EDARADD: variants seen among roughly 807,000 people sequenced by gnomAD.
The protein encoded by EDARADD is ectodysplasin-A receptor-associated adapter protein.
Under a neutral mutation model 25.6 loss-of-function variants are expected in EDARADD, and 20 were observed. The ratio of observed to expected loss-of-function variants is 0.78; its 90% CI spans 0.55 to 1.14. The LOEUF (loss-of-function observed/expected upper bound fraction) is 1.14. Among genes scored for constraint, EDARADD ranks in the 50% most tolerant of loss-of-function variants. The probability of loss-of-function intolerance (pLI) is 0.00; values close to 1 mark genes in which losing one functional copy is unlikely to be tolerated. For missense variants in EDARADD, 225 were observed against 270.1 expected (o/e 0.83, Z 1.17); for synonymous variants, 86 against 94.4 (o/e 0.91, Z 0.52).
At chr1:236,365,977 T>C (rs1302874292) in intron 3 of EDARADD, among the ~76,000 whole-genome samples, 1 of 152,246 alleles carries the variant, frequency 6.6e-6, no homozygotes, top group Non-Finnish European at 1.5e-5. Flanking sequence ...ATTTTAAAAA[T>C]ACATCCCATA....
chr1:236,484,461 G>T lies in EDARADD; in HGVS notation c.*1812G>T. On this transcript the variant is annotated 3_prime_UTR_variant, in exon 6 of 6. Coordinates refer to ENST00000334232, the MANE Select transcript of EDARADD (RefSeq NM_145861.4). This position sits in a 1 kb window ranked among gnomAD's most constrained non-coding sequence, Gnocchi z 4.1. ...CGGCAGGAACTTCAGAAACCCCCCA[G>T]CCAAGTAAGCTGTGGGCAGGCAAGC... 1.4e-5 allele frequency: 22 copies of T among 1,608,470 alleles called. No individual in the cohort carries two copies. Among genetic ancestry groups the T allele is most frequent in the Non-Finnish European group, 1.9e-5 (22 of 1,177,478 alleles).
At chr1:236,435,256 A>G (rs1356003165) in intron 4 of EDARADD, among the ~76,000 whole-genome samples, 3 of 152,248 alleles carry the variant, frequency 2.0e-5, no homozygotes, top group African/African-American at 7.2e-5. Context: ...CTAGAGGAAT[A>G]GCCAGAGAAG....
intron 3 of EDARADD, among the ~76,000 whole-genome samples, chr1:236,373,993 G>C (rs1667198303): frequency 6.6e-6 from 1 of 151,900 alleles, no homozygotes; most frequent in South Asian, 2.1e-4. Flanking sequence ...TTTTATTATT[G>C]GTTTCTAGTT....
intron 4 of EDARADD, among the ~76,000 whole-genome samples, chr1:236,463,760 A>G (rs1659104685): frequency 1.3e-5 from 2 of 152,202 alleles, no homozygotes; most frequent in East Asian, 3.8e-4. Context: ...AGGCCCTGAC[A>G]TGGAGGCTGG....
intron 3 of EDARADD, among the ~76,000 whole-genome samples, chr1:236,353,317 C>T (rs1666938639): frequency 6.6e-6 from 1 of 152,156 alleles, no homozygotes; most frequent in Non-Finnish European, 1.5e-5. Flanking sequence ...GTCGTTCTAG[C>T]TCTGAGTTTG....
At chr1:236,388,751 T>C (rs951410763) in intron 3 of EDARADD, among the ~76,000 whole-genome samples, 2 of 152,246 alleles carry the variant, frequency 1.3e-5, no homozygotes, top group South Asian at 2.1e-4. Flanking sequence ...TTAGTTCTAA[T>C]AGTTTCTCAG....
intron 4 of EDARADD, among the ~76,000 whole-genome samples, chr1:236,464,255 T>TA: frequency 6.7e-6 from 1 of 149,504 alleles, no homozygotes; most frequent in East Asian, 2.0e-4. Flanking sequence ...CAAGTATTAT[T>TA]TTTTTTTTTT....
chr1:236,394,487 G>C lies in EDARADD; in HGVS notation c.43G>C (p.Ala15Pro), dbSNP rs148192841. 2 of 1,613,988 alleles carry C rather than the reference G, an allele frequency of 1.2e-6. No homozygotes were observed. The highest frequency in any genetic ancestry group is 1.3e-5 in the African/African-American group (1 of 74,918). Reference protein sequence around the residue: ...TTKQMGRGTKAPGHQEDHMVK... With the variant: ...TTKQMGRGTKPPGHQEDHMVK... ...TAAACAGATGGGGAGAGGCACTAAA[G>C]CTCCTGGTCACCAAGAGGGTATGTA... The change falls in exon 1 of 6, where the codon GCT (alanine) becomes CCT (proline). Residue 15 changes from alanine to proline, a missense_variant. By Grantham distance (27) the Ala-to-Pro change is conservative (BLOSUM62 -1). Coordinates refer to ENST00000334232, the MANE Select transcript of EDARADD (RefSeq NM_145861.4).
intron 3 of EDARADD, among the ~76,000 whole-genome samples, chr1:236,361,711 C>T (rs6670861): frequency 0.15 from 21,510 of 146,304 alleles, 2,075 homozygotes; most frequent in East Asian, 0.43. Flanking sequence ...TAATTATTTT[C>T]GGATTCATCT....
chr1:236,382,481 A>G (rs1667312603), intron 3 of EDARADD, among the ~76,000 whole-genome samples: 1 of 152,072 alleles, frequency 6.6e-6, no homozygotes. Context: ...TTTTCTCCTT[A>G]TTGTAAGCTA....
chr1:236,412,848 T>C (rs1255663268), intron 2 of EDARADD, among the ~76,000 whole-genome samples: 1 of 152,200 alleles, frequency 6.6e-6, no homozygotes, highest in African/African-American at 2.4e-5. Flanking sequence ...TCTGAGGAAA[T>C]AGACAAGTAC....
intron 3 of EDARADD, among the ~76,000 whole-genome samples, chr1:236,414,966 A>G (rs1165659006): frequency 6.6e-6 from 1 of 152,154 alleles, no homozygotes; most frequent in Non-Finnish European, 1.5e-5. Context: ...AGTCCATCTC[A>G]TGGCTCTGTC....
chr1:236,365,964 G>A (rs1192352682), intron 3 of EDARADD, among the ~76,000 whole-genome samples: 2 of 151,954 alleles, frequency 1.3e-5, no homozygotes, highest in Non-Finnish European at 2.9e-5. Context: ...CTTTGATTTG[G>A]GTATTTTAAA....
chr1:236,472,947 G>A (rs1364912686), intron 5 of EDARADD, among the ~76,000 whole-genome samples: 11 of 152,116 alleles, frequency 7.2e-5, no homozygotes, highest in African/African-American at 2.7e-4. Flanking sequence ...AAAAAAACTT[G>A]CATCAGCTGG....
intron 1 of EDARADD, among the ~76,000 whole-genome samples, chr1:236,401,765 T>C (rs1003985198): frequency 6.6e-6 from 1 of 152,194 alleles, no homozygotes; most frequent in African/African-American, 2.4e-5. Flanking sequence ...TAAAAAGATA[T>C]GTTGAAGTTG....
intron 4 of EDARADD, among the ~76,000 whole-genome samples, chr1:236,443,005 C>T (rs753472640): frequency 3.3e-5 from 5 of 152,114 alleles, no homozygotes; most frequent in African/African-American, 7.2e-5. Flanking sequence ...GATTAATGGG[C>T]TTATGGATTA....
chr1:236,357,041 G>A lies in EDARADD; in HGVS notation c.-6+6202G>A, dbSNP rs538395597. Among the ~76,000 whole-genome samples the A allele has an allele frequency of 2.5e-4, 37 of 150,424 alleles. No homozygotes were observed. The South Asian group carries it at 5.2e-3, about 21-fold the overall frequency. Reference sequence around the variant, plus strand: ...GGAGATGGCAGTGAGCCAAGATTGCGCCACTGCACTCCAGCCTGGGCAACA... The same window carrying A: ...GGAGATGGCAGTGAGCCAAGATTGCACCACTGCACTCCAGCCTGGGCAACA... On this transcript the variant is annotated intron_variant, in intron 3 of 7. Transcript: ENST00000439430.
At chr1:236,372,171 G>A (rs1667180532) in intron 3 of EDARADD, among the ~76,000 whole-genome samples, 1 of 151,666 alleles carries the variant, frequency 6.6e-6, no homozygotes, top group Non-Finnish European at 1.5e-5. Flanking sequence ...GGCCAGGCTG[G>A]TCTCAAACTC....
chr1:236,447,167 TCCC>T (rs1658567729), intron 4 of EDARADD, among the ~76,000 whole-genome samples: 3 of 114,054 alleles, frequency 2.6e-5, no homozygotes, highest in Admixed American at 1.8e-4. Context: ...CCTCCCTCCC[TCCC>T]TCTTTCTTTC....
Sources: gnomAD v4.1 joint callset for allele counts (sites outside exome capture counted in the v4.1 genomes callset) on GRCh38, gnomAD v4.1.1 for gene constraint, Gnocchi (gnomAD v3.1) non-coding constraint, MANE v1.5 for transcripts, NCBI Gene and HGNC (gene_info 2026-07-23, HGNC 2026-07-21) for gene names.